The following GMDS variants were observed in gnomAD, a reference collection of about 807,000 sequenced individuals.
GMDS encodes the protein GDP-mannose 4,6 dehydratase.
GMDS carries 20 observed loss-of-function variants against 49.9 expected under a neutral mutation model. The observed-to-expected ratio is 0.40, with a 90% CI of 0.28 to 0.58. The LOEUF (loss-of-function observed/expected upper bound fraction) is 0.58, where lower values mean the gene tolerates loss of function less well. Among genes scored for constraint, GMDS ranks in the 20% least tolerant of loss-of-function variants. The pLI is 0.42. For synonymous variants in GMDS, 177 were observed against 178.6 expected, an observed-to-expected ratio of 0.99 and a Z score of 0.07; for missense variants, 362 against 481.4, an observed-to-expected ratio of 0.75 and a Z score of 2.32.
At chr6:1,755,912 G>T (rs1767922416) in intron 7 of GMDS, among the ~76,000 whole-genome samples, 1 of 152,168 alleles carries the variant, frequency 6.6e-6, no homozygotes, top group African/African-American at 2.4e-5. Flanking sequence ...TGACAAATGG[G>T]ATCTCATTAA....
chr6:2,121,179 C>T (rs1427261909), intron 2 of GMDS, among the ~76,000 whole-genome samples: 8 of 152,138 alleles, frequency 5.3e-5, no homozygotes, highest in South Asian at 2.1e-4. Context: ...TTTGCCACAG[C>T]GAGCTAACCA....
intron 6 of GMDS, among the ~76,000 whole-genome samples, chr6:1,947,464 C>CCTTATT (rs1448888346): frequency 6.6e-6 from 1 of 152,206 alleles, no homozygotes; most frequent in Admixed American, 6.5e-5. Flanking sequence ...TTAGGGCCTC[C>CCTTATT]CTTATTCCTC....
chr6:2,002,920 T>A (rs1206352785), intron 4 of GMDS, among the ~76,000 whole-genome samples: 2 of 152,148 alleles, frequency 1.3e-5, no homozygotes, highest in Non-Finnish European at 2.9e-5. Flanking sequence ...GTGGAAAAGT[T>A]CTTGTGGACA....
chr6:1,748,562 T>C (rs1434013555), intron 7 of GMDS, among the ~76,000 whole-genome samples: 3 of 152,240 alleles, frequency 2.0e-5, no homozygotes, highest in African/African-American at 7.2e-5. Flanking sequence ...TTGCTTTTTA[T>C]CTTTTTGTGA....
At chr6:1,847,621 C>T (rs754067132) in intron 7 of GMDS, among the ~76,000 whole-genome samples, 2 of 152,176 alleles carry the variant, frequency 1.3e-5, no homozygotes, top group Non-Finnish European at 2.9e-5. Context: ...CAGAACTCAG[C>T]TACTTTCTGC....
intron 7 of GMDS, among the ~76,000 whole-genome samples, chr6:1,914,960 A>G (rs1761297999): frequency 6.6e-6 from 1 of 152,184 alleles, no homozygotes. Context: ...TGGTGAGGAT[A>G]CCTTGGGAGG....
At chr6:1,748,924 A>T (rs1767617929) in intron 7 of GMDS, among the ~76,000 whole-genome samples, 1 of 152,154 alleles carries the variant, frequency 6.6e-6, no homozygotes, top group South Asian at 2.1e-4. Context: ...TTCTTCTTGC[A>T]ATCCTTTCCC....
intron 4 of GMDS, among the ~76,000 whole-genome samples, chr6:2,025,998 T>C (rs192660247): frequency 2.7e-4 from 41 of 152,344 alleles, no homozygotes; most frequent in Non-Finnish European, 5.9e-5. Context: ...TTTTTTACAT[T>C]ACCAAATAAC....
chr6:2,098,600 C>A (rs1452739977), intron 4 of GMDS, among the ~76,000 whole-genome samples: 6 of 152,146 alleles, frequency 3.9e-5, no homozygotes, highest in African/African-American at 1.4e-4. Flanking sequence ...AAACCCTGCA[C>A]TGAACTGAAA....
chr6:1,826,385 G>A (rs1771112275), intron 7 of GMDS, among the ~76,000 whole-genome samples: 2 of 152,160 alleles, frequency 1.3e-5, no homozygotes, highest in Admixed American at 1.3e-4. Context: ...TTTCTAAGTA[G>A]AGAGCATATG....
intron 4 of GMDS, among the ~76,000 whole-genome samples, chr6:2,097,798 G>A (rs528396348): frequency 6.4e-4 from 97 of 152,100 alleles, no homozygotes; most frequent in Non-Finnish European, 9.4e-4. Context: ...TCTTCTCGTA[G>A]CAAGGCAATT....
At chr6:2,031,490 G>GA (rs201184130) in intron 4 of GMDS, among the ~76,000 whole-genome samples, 155 of 143,858 alleles carry the variant, frequency 1.1e-3, no homozygotes, top group Admixed American at 1.4e-3. Flanking sequence ...AGTGCTTAGA[G>GA]AAAAAAAAAA....
chr6:1,914,457 A>G (rs1401560145), intron 7 of GMDS, among the ~76,000 whole-genome samples: 1 of 146,338 alleles, frequency 6.8e-6, no homozygotes, highest in African/African-American at 2.5e-5. Context: ...ACAGAGCAAG[A>G]CTCTGTCTCA....
chr6:1,680,025 T>A (rs573705076), intron 9 of GMDS: 4 of 152,238 alleles, frequency 2.6e-5, no homozygotes, highest in African/African-American at 9.6e-5. Context: ...CATAGCCACA[T>A]TGAACAAATA....
At chr6:2,243,320 T>C (rs929721342) in intron 1 of GMDS, among the ~76,000 whole-genome samples, 2 of 152,190 alleles carry the variant, frequency 1.3e-5, no homozygotes, top group Non-Finnish European at 2.9e-5. Context: ...TCCAGCCAAA[T>C]GACTGCTCTT....
intron 4 of GMDS, among the ~76,000 whole-genome samples, chr6:2,034,189 GGACA>G (rs1180908942): frequency 6.6e-6 from 1 of 151,988 alleles, no homozygotes; most frequent in Non-Finnish European, 1.5e-5. Flanking sequence ...TTTAGTTTAC[GGACA>G]GACAGTAACT....
At chr6:2,102,571 G>A (rs879345161) in intron 4 of GMDS, among the ~76,000 whole-genome samples, 3 of 152,148 alleles carry the variant, frequency 2.0e-5, no homozygotes, top group Admixed American at 6.5e-5. Flanking sequence ...TAATCTGCAC[G>A]ATGTTATTGC....
chr6:2,179,417 A>C (rs1391519663), intron 1 of GMDS, among the ~76,000 whole-genome samples: 1 of 152,210 alleles, frequency 6.6e-6, no homozygotes, highest in Non-Finnish European at 1.5e-5. Context: ...TAGTATTAAG[A>C]GGAAACACCT....
At chr6:1,767,258 T>C (rs1026833493) in intron 7 of GMDS, among the ~76,000 whole-genome samples, 19 of 138,484 alleles carry the variant, frequency 1.4e-4, no homozygotes, top group South Asian at 2.3e-4. Flanking sequence ...AATGGCTAAT[T>C]ACAAAATAAT....
Sources: gnomAD v4.1 joint callset for allele counts (sites outside exome capture counted in the v4.1 genomes callset) on GRCh38, gnomAD v4.1.1 for gene constraint, MANE v1.5 for transcripts, NCBI Gene and HGNC (gene_info 2026-07-23, HGNC 2026-07-21) for gene names.